Variants in MMRN1 observed in about 807,000 individuals in gnomAD.
The protein encoded by MMRN1 is multimerin 1, also known as multimerin-1.
MMRN1 carries 94 observed loss-of-function variants against 100.7 expected under a neutral mutation model. The ratio of observed to expected loss-of-function variants is 0.93; its 90% CI spans 0.79 to 1.11. The LOEUF (loss-of-function observed/expected upper bound fraction) is 1.11. Among genes scored for constraint, MMRN1 ranks in the 50% least tolerant of loss-of-function variants. MMRN1 has a pLI of 0.00. For synonymous variants in MMRN1, 575 were observed against 505.0 expected (o/e 1.14, Z -1.86); for missense variants, 1,606 against 1,439.1 (o/e 1.12, Z -1.88).
At chr4:89,883,592 C>T (rs542593481) in intron 1 of MMRN1, among the ~76,000 whole-genome samples, 1 of 151,988 alleles carries the variant, frequency 6.6e-6, no homozygotes, top group Admixed American at 6.6e-5. Context: ...AATTGGATTG[C>T]TTGTCTTTTC....
chr4:89,906,761 C>T (rs938065944), intron 1 of MMRN1, among the ~76,000 whole-genome samples: 2 of 151,426 alleles, frequency 1.3e-5, no homozygotes. Context: ...ATGAGTCACA[C>T]CAGGGGCTCT....
At chr4:89,904,303 A>G (rs779630020) in intron 1 of MMRN1, among the ~76,000 whole-genome samples, 4 of 151,858 alleles carry the variant, frequency 2.6e-5, no homozygotes, top group East Asian at 1.9e-4. Context: ...AAAATTTACC[A>G]TTCTATCCGT....
intron 1 of MMRN1, among the ~76,000 whole-genome samples, chr4:89,899,187 T>C (rs1211644903): frequency 6.6e-6 from 1 of 152,116 alleles, no homozygotes. Context: ...GGCATATTTT[T>C]GTTTCATCTT....
chr4:89,944,817 A>G (rs1722937488), intron 6 of MMRN1, among the ~76,000 whole-genome samples: 1 of 152,198 alleles, frequency 6.6e-6, no homozygotes, highest in Non-Finnish European at 1.5e-5. Context: ...TTTGAAATCC[A>G]AGGTAGGAAA....
intron 1 of MMRN1, among the ~76,000 whole-genome samples, chr4:89,887,057 T>A (rs1395039724): frequency 6.6e-6 from 1 of 152,062 alleles, no homozygotes; most frequent in African/African-American, 2.4e-5. Flanking sequence ...ACTCTCTACC[T>A]CCATGAGAGC....
intron 2 of MMRN1, among the ~76,000 whole-genome samples, chr4:89,911,016 T>C (rs1192377781): frequency 6.6e-6 from 1 of 151,398 alleles, no homozygotes; most frequent in Non-Finnish European, 1.5e-5. Context: ...CTTTTAGATA[T>C]GGGACTTTGA....
intron 1 of MMRN1, among the ~76,000 whole-genome samples, chr4:89,899,278 G>A (rs918616417): frequency 1.3e-5 from 2 of 151,770 alleles, no homozygotes; most frequent in Non-Finnish European, 2.9e-5. Context: ...TGGCAGAGTG[G>A]GTGTTAGTCA....
intron 6 of MMRN1, among the ~76,000 whole-genome samples, chr4:89,939,632 C>T (rs1474411233): frequency 6.6e-6 from 1 of 152,124 alleles, no homozygotes; most frequent in Non-Finnish European, 1.5e-5. Context: ...TAGAGCTTGG[C>T]TTCTGGCCAG....
intron 1 of MMRN1, among the ~76,000 whole-genome samples, chr4:89,899,831 A>G (rs144919830): frequency 9.6e-4 from 146 of 151,900 alleles, no homozygotes; most frequent in African/African-American, 3.5e-3. Flanking sequence ...ACTTCTCTCC[A>G]TCTTCTACTT....
At chr4:89,923,109 G>GA (rs1722141686) in intron 3 of MMRN1, 59 bp from the exon 4 acceptor site, 1 of 1,373,924 alleles carries the variant, frequency 7.3e-7, no homozygotes, top group Non-Finnish European at 1.0e-6. Flanking sequence ...TTCAGGACTG[G>GA]AAAAAATGAG....
At chr4:89,949,068 T>G (rs1723078577) in intron 6 of MMRN1, among the ~76,000 whole-genome samples, 1 of 152,130 alleles carries the variant, frequency 6.6e-6, no homozygotes, top group African/African-American at 2.4e-5. Context: ...ACCCAATTCC[T>G]AAAGTAATGG....
chr4:89,942,188 C>G (rs897982864), intron 6 of MMRN1, among the ~76,000 whole-genome samples: 1 of 152,010 alleles, frequency 6.6e-6, no homozygotes, highest in Non-Finnish European at 1.5e-5. Flanking sequence ...GGGTTCTTTC[C>G]CAAGCAAAAA....
intron 6 of MMRN1, among the ~76,000 whole-genome samples, chr4:89,946,858 C>T (rs1019989206): frequency 6.6e-6 from 1 of 152,032 alleles, no homozygotes; most frequent in African/African-American, 2.4e-5. Flanking sequence ...GCTACTTGCA[C>T]AGTGGTAGAA....
intron 1 of MMRN1, among the ~76,000 whole-genome samples, chr4:89,881,555 A>G (rs1266326322): frequency 6.6e-6 from 1 of 152,080 alleles, no homozygotes; most frequent in Non-Finnish European, 1.5e-5. Context: ...ATGAAGGATG[A>G]TAGAATATTA....
chr4:89,927,235 A>G (rs1179201106), intron 4 of MMRN1, among the ~76,000 whole-genome samples: 1 of 152,004 alleles, frequency 6.6e-6, no homozygotes, highest in African/African-American at 2.4e-5. Context: ...GATAGTATGG[A>G]CATTTTAACA....
rs968305109 is a variant in MMRN1, at chr4:89,926,627, A to G, written c.956-1168A>G. On this transcript the variant is annotated intron_variant, in intron 4 of 7. Transcript: ENST00000264790. ...TTCTTTTGCTGTGCAGAAGCTTTTT[A>G]ACTTGATGTGATCCCATCTGTCCAT... 2.0e-5 allele frequency among the ~76,000 whole-genome samples: 3 copies of G among 152,070 alleles called. No homozygotes were observed. In the East Asian group the frequency reaches 5.8e-4, roughly 29 times the overall value.
chr4:89,903,932 A>G (rs1721474451), intron 1 of MMRN1, among the ~76,000 whole-genome samples: 1 of 149,788 alleles, frequency 6.7e-6, no homozygotes, highest in Non-Finnish European at 1.5e-5. Context: ...ACAGAAATAC[A>G]CTCTCTTCTT....
At chr4:89,890,925 T>G (rs989575965), upstream of MMRN1, among the ~76,000 whole-genome samples, 3 of 152,014 alleles carry the variant, frequency 2.0e-5, no homozygotes, top group African/African-American at 7.2e-5. Flanking sequence ...TATTAAGAAT[T>G]ATATAATTCA....
At chr4:89,882,610 T>C (rs1016941910) in intron 1 of MMRN1, among the ~76,000 whole-genome samples, 1 of 151,576 alleles carries the variant, frequency 6.6e-6, no homozygotes, top group Admixed American at 6.6e-5. Flanking sequence ...GTGTTGTAGA[T>C]AATCGCTGCT....
Sources: gnomAD v4.1 joint callset for allele counts (sites outside exome capture counted in the v4.1 genomes callset) on GRCh38, gnomAD v4.1.1 for gene constraint, MANE v1.5 for transcripts, NCBI Gene and HGNC (gene_info 2026-07-23, HGNC 2026-07-21) for gene names.